The following SEC11A variants were observed in gnomAD, a reference collection of about 807,000 sequenced individuals.
The protein encoded by SEC11A is SEC11 homolog A, signal peptidase complex subunit.
In SEC11A, 14 loss-of-function variants were observed where a neutral mutation model predicts 25.6. That is an observed-to-expected ratio of 0.55 (90% CI 0.36 to 0.85). SEC11A has a LOEUF of 0.85. Ranked by LOEUF, SEC11A falls within the 40% of genes least tolerant of loss-of-function variation. The pLI is 0.01. For synonymous variants in SEC11A, 83 were observed against 76.4 expected (o/e 1.09, Z -0.45); for missense variants, 153 against 222.9 (o/e 0.69, Z 2.00).
intron 1 of SEC11A, among the ~76,000 whole-genome samples, chr15:84,693,221 T>G (rs1188747395): frequency 6.6e-6 from 1 of 152,178 alleles, no homozygotes; most frequent in African/African-American, 2.4e-5. Context: ...GGTGGAAGAC[T>G]GTTCTAGATT....
intron 1 of SEC11A, among the ~76,000 whole-genome samples, chr15:84,700,708 C>T (rs148356662): frequency 3.0e-3 from 448 of 147,378 alleles, no homozygotes; most frequent in African/African-American, 9.1e-3. Context: ...AGGCCAGGCG[C>T]GGTGGCTCAC....
chr15:84,701,865 G>A (rs1264881889), intron 1 of SEC11A, among the ~76,000 whole-genome samples: 3 of 151,088 alleles, frequency 2.0e-5, no homozygotes, highest in African/African-American at 4.9e-5. Context: ...TCAAGAGATC[G>A]AGACCATCCT....
At chr15:84,685,052 C>T (rs1001934024) in intron 3 of SEC11A, among the ~76,000 whole-genome samples, 1 of 152,212 alleles carries the variant, frequency 6.6e-6, no homozygotes, top group African/African-American at 2.4e-5. Context: ...GTTATCTACA[C>T]AGGCCTGCAA....
At chr15:84,689,137 G>C (rs564996749) in intron 2 of SEC11A, among the ~76,000 whole-genome samples, 36 of 152,138 alleles carry the variant, frequency 2.4e-4, no homozygotes, top group African/African-American at 8.0e-4. Context: ...GGGAGGTTGA[G>C]GGGGGAGGAT....
At chr15:84,714,418 G>A (rs1314494444) in intron 1 of SEC11A, among the ~76,000 whole-genome samples, 1 of 152,192 alleles carries the variant, frequency 6.6e-6, no homozygotes, top group Non-Finnish European at 1.5e-5. Context: ...GGCTTTATAT[G>A]AATTAACTCA....
At position 84,687,613 on chromosome 15, in the gene SEC11A, C is replaced by G; in HGVS notation, c.311+12G>C. On this transcript the variant is annotated intron_variant, in intron 3 of 5. Coordinates refer to ENST00000268220, the MANE Select transcript of SEC11A (RefSeq NM_014300.4). ...AGCACTTAGAAACAAAGATGCTATA[C>G]TTTGCACATACTTTTCATGAATCTT... 3 of 1,563,198 alleles carry G rather than the reference C, an allele frequency of 1.9e-6. 1 individual carries two copies. Among genetic ancestry groups the G allele is most frequent in the Non-Finnish European group, 2.6e-6 (3 of 1,165,510 alleles).
chr15:84,669,848 T>A lies in SEC11A; in HGVS notation c.*171A>T. ...CCTCGAGTGCACTCTGTGGTGCACATGCGCCCGCCCACACAAACTCTGGCA... is the reference window on the plus strand; with the variant it reads ...CCTCGAGTGCACTCTGTGGTGCACAAGCGCCCGCCCACACAAACTCTGGCA... On this transcript the variant is annotated 3_prime_UTR_variant, in exon 6 of 6. Coordinates refer to ENST00000268220, the MANE Select transcript of SEC11A (RefSeq NM_014300.4). 8.1e-7 allele frequency: 1 copy of A among 1,233,968 alleles called. No homozygotes were observed. Among genetic ancestry groups the A allele is most frequent in the South Asian group, 1.4e-5 (1 of 69,736 alleles). 76.4% of individuals were successfully genotyped at this position (1,233,968 alleles called of 1,614,324 possible).
intron 4 of SEC11A, among the ~76,000 whole-genome samples, chr15:84,677,779 T>G (rs1010265413): frequency 6.6e-6 from 1 of 152,164 alleles, no homozygotes; most frequent in African/African-American, 2.4e-5. Flanking sequence ...AGCCCAGAAT[T>G]TTTTCAAAAA....
intron 1 of SEC11A, among the ~76,000 whole-genome samples, chr15:84,699,721 T>TGCAGTGAGCCGAGATCACAC (rs1897872248): frequency 1.3e-5 from 2 of 151,370 alleles, no homozygotes; most frequent in African/African-American, 4.9e-5. Flanking sequence ...GCCCAGGAGT[T>TGCAGTGAGCCGAGATCACAC]CAAGACCTGC....
At chr15:84,674,474 G>A (rs1897082653) in intron 4 of SEC11A, among the ~76,000 whole-genome samples, 1 of 151,984 alleles carries the variant, frequency 6.6e-6, no homozygotes, top group Non-Finnish European at 1.5e-5. Flanking sequence ...TTACCTCCAT[G>A]CAATGATATC....
chr15:84,708,205 C>CAAAAAAA (rs71132699), intron 1 of SEC11A, among the ~76,000 whole-genome samples: 1 of 35,402 alleles, frequency 2.8e-5, no homozygotes, highest in Non-Finnish European at 5.1e-5. Flanking sequence ...GGCTCTGTCT[C>CAAAAAAA]AAAAAAAAAA....
intron 1 of SEC11A, among the ~76,000 whole-genome samples, chr15:84,707,934 A>G (rs1898145020): frequency 6.6e-6 from 1 of 152,206 alleles, no homozygotes; most frequent in Non-Finnish European, 1.5e-5. Context: ...CCAGCCGGGC[A>G]TAGTGGCTCA....
chr15:84,714,147 C>T (rs1210879405), intron 1 of SEC11A, among the ~76,000 whole-genome samples: 1 of 151,010 alleles, frequency 6.6e-6, no homozygotes, highest in Non-Finnish European at 1.5e-5. Context: ...TCCTGAGTAG[C>T]TGGAACTACA....
chr15:84,670,257 T>TA, intron 5 of SEC11A, 188 bp from the exon 6 acceptor site: 23 of 470,246 alleles, frequency 4.9e-5, no homozygotes, highest in East Asian at 8.0e-5. Flanking sequence ...TAAATAATTT[T>TA]CTTTTTTTTT....
At chr15:84,687,390 G>A (rs1258310636) in intron 3 of SEC11A, among the ~76,000 whole-genome samples, 1 of 152,176 alleles carries the variant, frequency 6.6e-6, no homozygotes, top group Non-Finnish European at 1.5e-5. Flanking sequence ...AGGTTGGGAA[G>A]TAAAAGGGAA....
chr15:84,676,160 T>C (rs1481529311), intron 4 of SEC11A, among the ~76,000 whole-genome samples: 3 of 152,250 alleles, frequency 2.0e-5, no homozygotes, highest in Non-Finnish European at 2.9e-5. Context: ...TTCTAATATA[T>C]GTGAATTATA....
In SEC11A at chr15:84,715,683, A is replaced by T. The variant is rs1245214576; in HGVS notation, c.51+342T>A. Reference sequence around the variant, plus strand: ...CCACCTGGAGTCGCTCCGACTGGAGAAATCAAGAGTCCGCCGCCTTAAAAT... The same window carrying T: ...CCACCTGGAGTCGCTCCGACTGGAGTAATCAAGAGTCCGCCGCCTTAAAAT... On this transcript the variant is annotated intron_variant, in intron 1 of 5. Transcript: ENST00000268220. Among the ~76,000 whole-genome samples the T allele has an allele frequency of 3.3e-5, 5 of 152,278 alleles. No homozygotes were observed. In the East Asian group the frequency reaches 7.7e-4, roughly 23 times the overall value.
At chr15:84,690,407 A>AC (rs1897568946) in intron 2 of SEC11A, among the ~76,000 whole-genome samples, 1 of 152,124 alleles carries the variant, frequency 6.6e-6, no homozygotes, top group South Asian at 2.1e-4. Context: ...AGTCTTGGGT[A>AC]CGTCTTTATC....
At chr15:84,713,522 C>T (rs1898354399) in intron 1 of SEC11A, among the ~76,000 whole-genome samples, 1 of 152,198 alleles carries the variant, frequency 6.6e-6, no homozygotes, top group Non-Finnish European at 1.5e-5. Flanking sequence ...TCCAATCCCT[C>T]CTATCCATTC....
Sources: allele counts gnomAD v4.1 joint callset (sites outside exome capture counted in the v4.1 genomes callset), GRCh38; gene constraint gnomAD v4.1.1; transcripts MANE v1.5; gene names NCBI Gene and HGNC (gene_info 2026-07-23, HGNC 2026-07-21).